Variants in SPAG1 observed in about 807,000 individuals in gnomAD.
SPAG1 encodes sperm-associated antigen 1.
Under a neutral mutation model 100.5 loss-of-function variants are expected in SPAG1, and 69 were observed. That is an observed-to-expected ratio of 0.69 (90% CI 0.57 to 0.84). The LOEUF (loss-of-function observed/expected upper bound fraction) is 0.84. SPAG1 is among the 40% of genes least tolerant of loss of function. SPAG1 has a pLI of 0.00. For missense variants in SPAG1, 955 were observed against 1,133.1 expected, an observed-to-expected ratio of 0.84 and a Z score of 2.26; for synonymous variants, 336 against 411.6, an observed-to-expected ratio of 0.82 and a Z score of 2.22.
At chr8:100,231,787 G>A (rs1006460198) in intron 15 of SPAG1, among the ~76,000 whole-genome samples, 3 of 152,020 alleles carry the variant, frequency 2.0e-5, no homozygotes, top group African/African-American at 4.8e-5. Context: ...GTGAAACCCC[G>A]TCTCTACTAA....
intron 16 of SPAG1, among the ~76,000 whole-genome samples, chr8:100,238,274 C>T (rs955231057): frequency 6.6e-6 from 1 of 152,080 alleles, no homozygotes; most frequent in South Asian, 2.1e-4. Context: ...TAAACTAGAG[C>T]AGATTTAAGG....
chr8:100,179,190 C>G (rs771811933), intron 4 of SPAG1, among the ~76,000 whole-genome samples: 2 of 151,950 alleles, frequency 1.3e-5, no homozygotes, highest in East Asian at 3.9e-4. Context: ...CAAGACCAGC[C>G]GGGCCAACAT....
intron 10 of SPAG1, among the ~76,000 whole-genome samples, chr8:100,197,042 G>A (rs561543282): frequency 3.3e-5 from 5 of 151,882 alleles, no homozygotes; most frequent in Admixed American, 6.6e-5. Context: ...GCACACCACC[G>A]CACTCAGCTT....
Position 100,164,956 on chromosome 8 carries a change from T to C in SPAG1, c.141-858T>C, listed in dbSNP as rs115851160. 8.3e-3 allele frequency among the ~76,000 whole-genome samples: 1,268 copies of C among 152,334 alleles called. 27 individuals carry two copies. The highest frequency in any genetic ancestry group is 0.028 in the African/African-American group (1,183 of 41,576). ...AAAAATTATCAGAAGCTCCCAGTTATAAAATAGTTGGAGAATCCATTCACC... is the reference window on the plus strand; with the variant it reads ...AAAAATTATCAGAAGCTCCCAGTTACAAAATAGTTGGAGAATCCATTCACC... On this transcript the variant is annotated intron_variant, in intron 2 of 18. Coordinates refer to ENST00000388798, the MANE Select transcript of SPAG1 (RefSeq NM_003114.5).
chr8:100,201,881 G>T (rs1817290767), intron 10 of SPAG1, among the ~76,000 whole-genome samples: 1 of 152,200 alleles, frequency 6.6e-6, no homozygotes, highest in Admixed American at 6.5e-5. Flanking sequence ...AACCCTTGCA[G>T]TATCCTTTGT....
At chr8:100,225,415 A>G in intron 14 of SPAG1, 76 bp downstream of exon 14, 1 of 1,329,552 alleles carries the variant, frequency 7.5e-7, no homozygotes, top group Non-Finnish European at 1.1e-6. Flanking sequence ...AAGCAGAGAG[A>G]TAAGAGCATT....
chr8:100,188,406 C>T (rs1816676192), intron 8 of SPAG1, among the ~76,000 whole-genome samples: 1 of 152,182 alleles, frequency 6.6e-6, no homozygotes, highest in Non-Finnish European at 1.5e-5. Flanking sequence ...CTGCCCACCT[C>T]GACCTCCCAA....
chr8:100,239,739 A>G lies in SPAG1; in HGVS notation c.2280+335A>G. On this transcript the variant is annotated intron_variant, in intron 17 of 18. Coordinates refer to ENST00000388798, the MANE Select transcript of SPAG1 (RefSeq NM_003114.5). This position sits in a 1 kb window ranked among gnomAD's most constrained non-coding sequence, Gnocchi z 5.0. ...GGTAGACCTGGAGAATCCTGACGGGACTGATTTTGTTACAGGGGCCCTGAA... is the reference window on the plus strand; with the variant it reads ...GGTAGACCTGGAGAATCCTGACGGGGCTGATTTTGTTACAGGGGCCCTGAA... 6.6e-6 allele frequency among the ~76,000 whole-genome samples: 1 copy of G among 152,158 alleles called. No homozygotes were observed. The highest frequency in any genetic ancestry group is 2.1e-4 in the South Asian group (1 of 4,822).
rs1214995163 is a variant in SPAG1, at chr8:100,198,014, GGAA to G, written c.1096+3751_1096+3753del. On this transcript the variant is annotated intron_variant, in intron 10 of 18. Transcript: ENST00000388798. ...CTTCTCTAGTAGAGATCATTTAGAA[GGAA>G]GAAGTGGCCATTACCATACAGCTGT... Among the ~76,000 whole-genome samples, 7 of 152,282 alleles carry G rather than the reference GGAA, an allele frequency of 4.6e-5. No individual in the cohort carries two copies. The East Asian group carries it at 1.3e-3, about 29-fold the overall frequency.
intron 10 of SPAG1, among the ~76,000 whole-genome samples, chr8:100,203,120 T>A (rs1214733259): frequency 6.6e-6 from 1 of 152,146 alleles, no homozygotes; most frequent in Non-Finnish European, 1.5e-5. Flanking sequence ...TGCCAGCAAA[T>A]ATAAGCAGGC....
At chr8:100,212,184 A>AT (rs1817745276) in intron 10 of SPAG1, among the ~76,000 whole-genome samples, 1 of 152,128 alleles carries the variant, frequency 6.6e-6, no homozygotes, top group Non-Finnish European at 1.5e-5. Context: ...TCATCCACTG[A>AT]TTTTCACTTA....
At chr8:100,207,666 C>CT (rs1563796325) in intron 10 of SPAG1, among the ~76,000 whole-genome samples, 1 of 152,200 alleles carries the variant, frequency 6.6e-6, no homozygotes, top group East Asian at 1.9e-4. Context: ...TTGGAAGAAG[C>CT]ACCCAATGCT....
At chr8:100,217,684 C>T (rs1818068160) in intron 12 of SPAG1, among the ~76,000 whole-genome samples, 1 of 152,200 alleles carries the variant, frequency 6.6e-6, no homozygotes, top group Non-Finnish European at 1.5e-5. Flanking sequence ...TTTATCTAAA[C>T]CACACCAAAA....
chr8:100,192,594 A>G (rs1816861686), intron 9 of SPAG1, among the ~76,000 whole-genome samples: 2 of 152,234 alleles, frequency 1.3e-5, no homozygotes, highest in African/African-American at 4.8e-5. Flanking sequence ...CTAAGTTTCC[A>G]CATACACCTA....
Position 100,240,424 on chromosome 8 carries a change from C to T in SPAG1, c.2302C>T (p.Pro768Ser), listed in dbSNP as rs751682170. 7 of 1,599,848 alleles carry T rather than the reference C, an allele frequency of 4.4e-6. No homozygotes were observed. The highest frequency in any genetic ancestry group is 5.1e-6 in the Non-Finnish European group (6 of 1,175,844). The change falls in exon 18 of 19, where the codon CCT (proline) becomes TCT (serine). Residue 768 changes from proline to serine, a missense_variant. By Grantham distance (74) the Pro-to-Ser change is moderately conservative. Coordinates refer to ENST00000388798, the MANE Select transcript of SPAG1 (RefSeq NM_003114.5). ...IQEVNEGKEE[P>S]GRPAGEVSMG... ...GAAGGTGAATGAAGGCAAGGAGGAG[C>T]CTGGAAGACCTGCAGGGGAGGTCTC...
intron 12 of SPAG1, among the ~76,000 whole-genome samples, chr8:100,218,383 A>G (rs1418952618): frequency 2.0e-5 from 3 of 152,264 alleles, no homozygotes; most frequent in Admixed American, 6.5e-5. Flanking sequence ...GCTTAAGGCC[A>G]TCTTGAATAG....
chr8:100,187,006 C>A, intron 7 of SPAG1, 114 bp from the exon 8 acceptor site: 1 of 911,076 alleles, frequency 1.1e-6, no homozygotes, highest in South Asian at 2.2e-5. Flanking sequence ...TTGGGGGATA[C>A]AATTCAGCCC....
chr8:100,226,056 G>A (rs1818498956), intron 14 of SPAG1, among the ~76,000 whole-genome samples: 1 of 150,622 alleles, frequency 6.6e-6, no homozygotes, highest in Non-Finnish European at 1.5e-5. Flanking sequence ...GAGTGCAGTG[G>A]TGTGACCTCG....
chr8:100,205,550 C>T (rs1817469812), intron 10 of SPAG1, among the ~76,000 whole-genome samples: 1 of 152,154 alleles, frequency 6.6e-6, no homozygotes, highest in Non-Finnish European at 1.5e-5. Context: ...TAGCAGCTGG[C>T]AGAACCCCCA....
Sources: allele counts gnomAD v4.1 joint callset (sites outside exome capture counted in the v4.1 genomes callset), GRCh38; gene constraint gnomAD v4.1.1; non-coding constraint Gnocchi (gnomAD v3.1); transcripts MANE v1.5; gene names NCBI Gene and HGNC (gene_info 2026-07-23, HGNC 2026-07-21).